BICD1: variants seen among roughly 807,000 people sequenced by gnomAD.
The protein encoded by BICD1 is protein bicaudal D homolog 1.
In BICD1, 35 loss-of-function variants were observed where a neutral mutation model predicts 92.5. The ratio of observed to expected loss-of-function variants is 0.38; its 90% CI spans 0.29 to 0.50. The LOEUF (loss-of-function observed/expected upper bound fraction) is 0.50, where lower values mean the gene tolerates loss of function less well. BICD1 is among the 20% of genes least tolerant of loss of function. The pLI, the probability that BICD1 is intolerant of heterozygous loss-of-function variation, is 0.93. For missense variants in BICD1, 950 were observed against 1,189.8 expected (o/e 0.80, Z 2.97); for synonymous variants, 429 against 465.1 (o/e 0.92, Z 1.00).
At chr12:32,279,645 A>G (rs997036053) in intron 2 of BICD1, among the ~76,000 whole-genome samples, 1 of 152,256 alleles carries the variant, frequency 6.6e-6, no homozygotes, top group Non-Finnish European at 1.5e-5. Context: ...GGTTTTGCTT[A>G]TGATAAATGT....
Position 32,216,354 on chromosome 12 carries a change from G to A in BICD1, c.321G>A (p.Gly107=), listed in dbSNP as rs144919300. ...ESASKEAYYL[G]KILEMQNELK... Reference sequence around the variant, plus strand: ...CATCGAAGGAGGCTTACTATCTGGGGAAGATCTTGGAGATGCAGAACGAGC... The same window carrying A: ...CATCGAAGGAGGCTTACTATCTGGGAAAGATCTTGGAGATGCAGAACGAGC... Residue 107 remains glycine, a synonymous_variant, in exon 2 of 10, where the codon GGG becomes GGA. Transcript: ENST00000652176. 9.1e-3 allele frequency: 14,724 copies of A among 1,614,202 alleles called. 107 individuals are homozygous for A. Among genetic ancestry groups the A allele is most frequent in the Middle Eastern group, 0.033 (203 of 6,062 alleles).
chr12:32,257,538 G>A (rs1260482327), intron 2 of BICD1, among the ~76,000 whole-genome samples: 1 of 152,058 alleles, frequency 6.6e-6, no homozygotes, highest in Non-Finnish European at 1.5e-5. Flanking sequence ...ATTGAGAGTA[G>A]GCATGTAATT....
At chr12:32,352,997 A>G (rs1444285645) in intron 8 of BICD1, 3 of 152,226 alleles carry the variant, frequency 2.0e-5, no homozygotes, top group Admixed American at 6.5e-5. Flanking sequence ...CTTTACTCTG[A>G]GTAGGTATTT....
chr12:32,299,048 A>C (rs1947961515), intron 3 of BICD1, among the ~76,000 whole-genome samples: 1 of 151,910 alleles, frequency 6.6e-6, no homozygotes, highest in African/African-American at 2.4e-5. Context: ...CCCAATAGGG[A>C]CTCCTAGCAA....
intron 2 of BICD1, among the ~76,000 whole-genome samples, chr12:32,273,809 T>C (rs1195557718): frequency 3.3e-5 from 5 of 152,112 alleles, no homozygotes; most frequent in South Asian, 2.1e-4. Flanking sequence ...GCAGAATTTA[T>C]TGGGTGAAAA....
intron 5 of BICD1, chr12:32,333,159 A>T (rs1243266877): frequency 1.0e-6 from 1 of 984,506 alleles, no homozygotes; most frequent in Non-Finnish European, 1.2e-6. Context: ...TACATTTCAC[A>T]ACTTAAACAT....
At chr12:32,206,007 A>G (rs1238105322) in intron 1 of BICD1, among the ~76,000 whole-genome samples, 5 of 152,140 alleles carry the variant, frequency 3.3e-5, no homozygotes, top group African/African-American at 9.7e-5. Flanking sequence ...ATGTTTTGCA[A>G]TTCAGCCATG....
chr12:32,108,420 A>ATCAG (rs2121113097), intron 1 of BICD1: 1 of 338,372 alleles, frequency 3.0e-6, no homozygotes, highest in Non-Finnish European at 5.4e-6. Context: ...TTGATTTCCT[A>ATCAG]TCAGTCACTC....
intron 1 of BICD1, among the ~76,000 whole-genome samples, chr12:32,213,833 A>G (rs1276310108): frequency 3.3e-5 from 5 of 152,222 alleles, no homozygotes; most frequent in Non-Finnish European, 5.9e-5. Flanking sequence ...ATTAGAATTA[A>G]TAAGTACTTT....
intron 1 of BICD1, among the ~76,000 whole-genome samples, chr12:32,120,481 A>G (rs897081478): frequency 6.6e-6 from 1 of 152,204 alleles, no homozygotes; most frequent in Non-Finnish European, 1.5e-5. Context: ...TTTCTCTTGC[A>G]TACTGCAGAG....
rs34913740 is a variant in BICD1 at position 32,288,223 on chromosome 12, A to ATTTTTTTTTTTT, written c.427-5758_427-5747dup. Reference sequence around the variant, plus strand: ...CTTACCTGTCACCTACCAAGTCCTAATTTTTTTTTTTTTTTTTTTTTTTTC... The same window carrying ATTTTTTTTTTTT: ...CTTACCTGTCACCTACCAAGTCCTAATTTTTTTTTTTTTTTTTTTTTTTTTTTTTTTTTTTTC... On this transcript the variant is annotated intron_variant, in intron 2 of 9. Transcript: ENST00000652176. 4.4e-4 allele frequency among the ~76,000 whole-genome samples: 48 copies of ATTTTTTTTTTTT among 109,502 alleles called. 3 individuals carry two copies. The highest frequency in any genetic ancestry group is 1.6e-3 in the African/African-American group (44 of 27,198). The allele number at this position is 109,502 out of a possible 152,430, so 71.8% of individuals were successfully genotyped here.
chr12:32,247,109 T>C (rs942907859), intron 2 of BICD1, among the ~76,000 whole-genome samples: 15 of 151,604 alleles, frequency 9.9e-5, no homozygotes, highest in Non-Finnish European at 1.5e-5. Flanking sequence ...ATACAAAAAT[T>C]AGCCCGGTAT....
chr12:32,159,485 A>ATGGTG (rs1943537831), intron 1 of BICD1, among the ~76,000 whole-genome samples: 2 of 152,204 alleles, frequency 1.3e-5, no homozygotes, highest in Non-Finnish European at 2.9e-5. Context: ...AGGCATCACT[A>ATGGTG]TAATAGCATG....
intron 1 of BICD1, among the ~76,000 whole-genome samples, chr12:32,205,550 C>A (rs147246681): frequency 2.0e-5 from 3 of 151,208 alleles, no homozygotes; most frequent in African/African-American, 7.3e-5. Context: ...AATCTTTTGT[C>A]TTCTGATTAA....
At chr12:32,151,319 G>T (rs1301251816) in intron 1 of BICD1, among the ~76,000 whole-genome samples, 1 of 152,156 alleles carries the variant, frequency 6.6e-6, no homozygotes, top group Non-Finnish European at 1.5e-5. Context: ...TGGCAGTCTT[G>T]TGCCCTGACA....
At chr12:32,344,289 C>T (rs1326577140) in intron 8 of BICD1, among the ~76,000 whole-genome samples, 1 of 152,124 alleles carries the variant, frequency 6.6e-6, no homozygotes, top group Non-Finnish European at 1.5e-5. Flanking sequence ...GGTCAACTTG[C>T]CCCAGTGCCA....
chr12:32,340,644 T>A, intron 8 of BICD1: 1 of 464,558 alleles, frequency 2.2e-6, no homozygotes, highest in Non-Finnish European at 2.8e-6. Flanking sequence ...GGTTTTTGTT[T>A]ACATGAATAT....
At chr12:32,329,846 A>G (rs1284285117) in intron 5 of BICD1, among the ~76,000 whole-genome samples, 1 of 152,246 alleles carries the variant, frequency 6.6e-6, no homozygotes, top group Non-Finnish European at 1.5e-5. Context: ...TGCGAAATAT[A>G]GGCAGGAAAA....
At chr12:32,219,028 AT>A (rs1367879904) in intron 2 of BICD1, among the ~76,000 whole-genome samples, 2 of 152,152 alleles carry the variant, frequency 1.3e-5, no homozygotes, top group African/African-American at 2.4e-5. Context: ...GCTCAGTTTT[AT>A]TTTTTGTACT....
Sources: gnomAD v4.1 joint callset for allele counts (sites outside exome capture counted in the v4.1 genomes callset) on GRCh38, gnomAD v4.1.1 for gene constraint, MANE v1.5 for transcripts, NCBI Gene and HGNC (gene_info 2026-07-23, HGNC 2026-07-21) for gene names.